Variants in WT1 observed in about 807,000 individuals in gnomAD.
The protein encoded by WT1 is WT1 transcription factor.
WT1 carries 8 observed loss-of-function variants against 60.8 expected under a neutral mutation model. The observed-to-expected ratio is 0.13, with a 90% CI of 0.08 to 0.24. The LOEUF is 0.24. Ranked by LOEUF, WT1 falls within the 10% of genes least tolerant of loss-of-function variation. The pLI, the probability that WT1 is intolerant of heterozygous loss-of-function variation, is 1.00. For synonymous variants in WT1, 312 were observed against 297.1 expected (o/e 1.05, Z -0.52); for missense variants, 568 against 711.8 (o/e 0.80, Z 2.30).
Position 32,388,934 on chromosome 11 carries a change from G to GGAT in WT1, c.*123_*124insATC. The GGAT allele has an allele frequency of 6.5e-7, 1 of 1,546,462 alleles. No individual in the cohort carries two copies. The highest frequency in any genetic ancestry group is 1.1e-5 in the South Asian group (1 of 87,168). ...TCCAGAAGCACCGGTATCTTGTCTT[G>GGAT]GAAGTTGGATGAAGAAGATCAACTG... On this transcript the variant is annotated 3_prime_UTR_variant, in exon 10 of 10. Transcript: ENST00000452863.
rs34861119 is a variant in WT1 at position 32,397,482 on chromosome 11, A to ATTT, written c.1114-1078_1114-1076dup. On this transcript the variant is annotated intron_variant, in intron 6 of 9. Transcript: ENST00000452863. ...AGGTGAGAGTCATCATGCCCAGCTA[A>ATTT]TTTTTTTTTTTTTTTTTGGTAGAGA... 8.3e-3 allele frequency among the ~76,000 whole-genome samples: 1,163 copies of ATTT among 139,662 alleles called. 18 individuals carry two copies. The highest frequency in any genetic ancestry group is 0.028 in the African/African-American group (1,037 of 37,700). The allele number at this position is 139,662 out of a possible 152,430, so 91.6% of individuals were successfully genotyped here.
rs1170323988 is a variant in WT1 at position 32,435,158 on chromosome 11, C to T, written c.203G>A (p.Gly68Glu). The T allele has an allele frequency of 3.9e-6, 6 of 1,521,694 alleles. No homozygotes were observed. The highest frequency in any genetic ancestry group is 2.5e-5 in the East Asian group (1 of 39,782). The allele number at this position is 1,521,694 out of a possible 1,614,324, so 94.3% of individuals were successfully genotyped here. ...GGAGCCCATTTGCTGCGGCTCAGACCCGGACGCCCCGCGGCTCCTCCGGCC... is the reference window on the plus strand; with the variant it reads ...GGAGCCCATTTGCTGCGGCTCAGACTCGGACGCCCCGCGGCTCCTCCGGCC... The change falls in exon 1 of 10, where the codon GGG (glycine) becomes GAG (glutamate). Residue 68 changes from glycine to glutamate, a missense_variant. Transcript: ENST00000452863.
intron 3 of WT1, among the ~76,000 whole-genome samples, chr11:32,424,831 G>A (rs1174344813): frequency 2.6e-5 from 4 of 152,160 alleles, no homozygotes; most frequent in African/African-American, 7.2e-5. Flanking sequence ...CTTATTTAAT[G>A]TCAGATCTGT....
intron 1 of WT1, among the ~76,000 whole-genome samples, chr11:32,434,435 A>C (rs902492147): frequency 2.0e-5 from 3 of 152,196 alleles, no homozygotes; most frequent in Admixed American, 6.5e-5. Flanking sequence ...CTCGGACTCT[A>C]AGGGGCCCCA....
chr11:32,410,650 T>G (rs1852468424), intron 5 of WT1, among the ~76,000 whole-genome samples: 1 of 152,226 alleles, frequency 6.6e-6, no homozygotes, highest in South Asian at 2.1e-4. Context: ...CGTCTGAATT[T>G]TTTAAAAAAT....
chr11:32,410,700 CTG>C (rs768099967), intron 5 of WT1, among the ~76,000 whole-genome samples: 15 of 152,154 alleles, frequency 9.9e-5, no homozygotes, highest in South Asian at 4.1e-4. Flanking sequence ...GAGAAAATAA[CTG>C]TTTTCATTTT....
intron 1 of WT1, 181 bp from the exon 2 acceptor site, chr11:32,428,800 G>A: frequency 1.1e-6 from 1 of 883,786 alleles, no homozygotes; most frequent in Non-Finnish European, 1.8e-6. Flanking sequence ...CCAAGTCCCT[G>A]GATGTGACCT....
intron 5 of WT1, among the ~76,000 whole-genome samples, chr11:32,411,967 G>A (rs1373018369): frequency 6.6e-6 from 1 of 152,202 alleles, no homozygotes; most frequent in Non-Finnish European, 1.5e-5. Flanking sequence ...AGATGGAGTA[G>A]GCTCGGCAAT....
chr11:32,412,099 C>T (rs750386531), intron 5 of WT1, among the ~76,000 whole-genome samples: 1 of 152,074 alleles, frequency 6.6e-6, no homozygotes, highest in Non-Finnish European at 1.5e-5. Context: ...CTTATGTTCA[C>T]GAGCCCGCGA....
chr11:32,390,600 TC>T (rs1380685724), intron 9 of WT1, among the ~76,000 whole-genome samples: 4 of 152,198 alleles, frequency 2.6e-5, no homozygotes, highest in African/African-American at 9.7e-5. Flanking sequence ...TTTCCTTCAC[TC>T]GCTGTTCCTC....
chr11:32,418,243 T>TG (rs200156194), intron 3 of WT1, among the ~76,000 whole-genome samples: 37,036 of 86,376 alleles, frequency 0.43, 5,514 homozygotes, highest in East Asian at 0.76. Context: ...ACAAGTCAAA[T>TG]TAAAAAAAAA....
chr11:32,389,114 C>G lies in WT1; in HGVS notation c.1513G>C (p.Val505Leu), dbSNP rs1399910889. The change falls in exon 10 of 10, where the codon GTC (valine) becomes CTC (leucine). Residue 505 changes from valine to leucine, a missense_variant. This residue lies in a region of WT1 where 29 missense variants were observed against 46.8 expected (regional missense o/e 0.62). Transcript: ENST00000452863. ...CTCTGATGCATGTTGTGATGGCGGA[C>G]TAATTCATCTGACCGGGCAAACTTT... The G allele has an allele frequency of 1.2e-6, 2 of 1,614,120 alleles. No individual in the cohort carries two copies. The highest frequency in any genetic ancestry group is 1.3e-5 in the African/African-American group (1 of 74,942).
At chr11:32,411,953 G>A (rs1590365805) in intron 5 of WT1, among the ~76,000 whole-genome samples, 3 of 152,194 alleles carry the variant, frequency 2.0e-5, no homozygotes, top group South Asian at 4.1e-4. Context: ...GTTGCTGGGG[G>A]TGGAGATGGA....
chr11:32,392,886 G>A, intron 7 of WT1, 131 bp from the exon 8 acceptor site: 1 of 752,848 alleles, frequency 1.3e-6, no homozygotes, highest in East Asian at 2.9e-5. Context: ...GTTAGGGTAG[G>A]ATGATCCCCA....
rs771681406 is a variant in WT1 at position 32,434,980 on chromosome 11, G to C, written c.381C>G (p.Pro127=). ...GTGGCGGCGGAGCCGGTGGCGGCGC[G>C]GGGCCGCCCAACGACCCGTAAGCCG... Residue 127 remains proline (P), a synonymous_variant, in exon 1 of 10, where the codon CCC becomes CCG. Transcript: ENST00000452863. The C allele has an allele frequency of 7.6e-5, 116 of 1,518,646 alleles. No homozygotes were observed. The Middle Eastern group carries it at 5.6e-3, about 74-fold the overall frequency. The allele number at this position is 1,518,646 out of a possible 1,614,324, so 94.1% of individuals were successfully genotyped here.
At chr11:32,430,819 C>A (rs1451434460) in intron 1 of WT1, 22 of 1,289,838 alleles carry the variant, frequency 1.7e-5, no homozygotes, top group Non-Finnish European at 2.0e-5. Context: ...AAAGCGCCTG[C>A]GGAGCGGAGG....
intron 5 of WT1, among the ~76,000 whole-genome samples, chr11:32,411,337 T>C (rs1308422405): frequency 6.6e-6 from 1 of 152,228 alleles, no homozygotes; most frequent in African/African-American, 2.4e-5. Context: ...AGCCCATAAA[T>C]ATTTTTTAAG....
chr11:32,427,352 T>C (rs963895453), intron 3 of WT1, among the ~76,000 whole-genome samples: 3 of 152,140 alleles, frequency 2.0e-5, no homozygotes, highest in African/African-American at 7.2e-5. Flanking sequence ...GGCCTCCCGC[T>C]CACAGGAAGA....
At chr11:32,420,837 C>T (rs987237044) in intron 3 of WT1, among the ~76,000 whole-genome samples, 1 of 152,166 alleles carries the variant, frequency 6.6e-6, no homozygotes, top group African/African-American at 2.4e-5. Flanking sequence ...GTGCCAAGAT[C>T]CCAATAGAAG....
Sources: gnomAD v4.1 joint callset for allele counts (sites outside exome capture counted in the v4.1 genomes callset) on GRCh38, gnomAD v4.1.1 for gene constraint, gnomAD v4.1.1 regional missense constraint, MANE v1.5 for transcripts, NCBI Gene and HGNC (gene_info 2026-07-23, HGNC 2026-07-21) for gene names.